Variants in CSGALNACT1 observed in about 807,000 individuals in gnomAD.
CSGALNACT1 encodes chondroitin sulfate N-acetylgalactosaminyltransferase 1, also known as beta4GalNAcT-1.
Under a neutral mutation model 51.0 loss-of-function variants are expected in CSGALNACT1, and 52 were observed. The ratio of observed to expected loss-of-function variants is 1.02; its 90% confidence interval spans 0.82 to 1.29. The LOEUF (loss-of-function observed/expected upper bound fraction) is 1.29. Ranked by LOEUF, CSGALNACT1 falls within the 50% of genes most tolerant of loss-of-function variation. CSGALNACT1 has a pLI of 0.00. For synonymous variants in CSGALNACT1, 341 were observed against 254.4 expected, an observed-to-expected ratio of 1.34 and a Z score of -3.24; for missense variants, 935 against 679.2, an observed-to-expected ratio of 1.38 and a Z score of -4.19.
chr8:19,673,256 G>A (rs1199979491), intron 1 of CSGALNACT1, among the ~76,000 whole-genome samples: 1 of 152,228 alleles, frequency 6.6e-6, no homozygotes, highest in Admixed American at 6.5e-5. Flanking sequence ...CCAGGTTTGA[G>A]TATTGGTGCT....
chr8:19,588,856 C>T (rs2047212388), intron 3 of CSGALNACT1, among the ~76,000 whole-genome samples: 1 of 152,160 alleles, frequency 6.6e-6, no homozygotes, highest in African/African-American at 2.4e-5. Context: ...TTTTACGTCT[C>T]TGAGTCTCAG....
chr8:19,444,800 G>T (rs867280349), intron 5 of CSGALNACT1, among the ~76,000 whole-genome samples: 24 of 152,246 alleles, frequency 1.6e-4, no homozygotes, highest in African/African-American at 5.3e-4. Flanking sequence ...GACATCTCAT[G>T]GCACTGATAT....
chr8:19,479,680 C>A (rs2070793163), intron 4 of CSGALNACT1, among the ~76,000 whole-genome samples: 1 of 151,444 alleles, frequency 6.6e-6, no homozygotes, highest in Non-Finnish European at 1.5e-5. Flanking sequence ...AAAGCCCCGA[C>A]TGTTAGGATT....
chr8:19,502,938 G>T (rs1312494221), intron 4 of CSGALNACT1, among the ~76,000 whole-genome samples: 1 of 145,730 alleles, frequency 6.9e-6, no homozygotes, highest in Admixed American at 7.2e-5. Context: ...TAGAATTCTT[G>T]TAGTGCCAGG....
intron 3 of CSGALNACT1, among the ~76,000 whole-genome samples, chr8:19,553,799 A>C (rs898528351): frequency 1.7e-4 from 26 of 151,574 alleles, no homozygotes; most frequent in Admixed American, 1.6e-3. Flanking sequence ...GAGGTTTCTG[A>C]AATGTAATTA....
At chr8:19,600,827 T>TG (rs1317803764) in intron 2 of CSGALNACT1, among the ~76,000 whole-genome samples, 1 of 146,802 alleles carries the variant, frequency 6.8e-6, no homozygotes, top group Non-Finnish European at 1.5e-5. Context: ...CAAAAGTTTT[T>TG]GGAAAAAAAA....
rs1352633591 is a variant in CSGALNACT1, at chr8:19,642,097, G to C, written c.-543-40232C>G. On this transcript the variant is annotated intron_variant, in intron 1 of 9. Transcript: ENST00000332246. Reference sequence around the variant, plus strand: ...TGAAAGGAAAATGGCTTGTTAAATAGGCACTAAAACAGAGTTCCATTCTGC... The same window carrying C: ...TGAAAGGAAAATGGCTTGTTAAATACGCACTAAAACAGAGTTCCATTCTGC... 2.0e-5 allele frequency: 3 copies of C among 152,164 alleles called. No homozygotes were observed. The East Asian group carries it at 5.8e-4, about 29-fold the overall frequency. The allele number at this position is 152,164 out of a possible 1,614,324, so 9.4% of individuals were successfully genotyped here. A position where few individuals can be genotyped will look rare whatever the true frequency, so the allele number is the denominator to read the frequency against.
intron 3 of CSGALNACT1, among the ~76,000 whole-genome samples, chr8:19,562,118 C>G (rs1448939226): frequency 6.6e-6 from 1 of 152,174 alleles, no homozygotes; most frequent in South Asian, 2.1e-4. Flanking sequence ...CTGAGCACCA[C>G]CATCCTGCCA....
chr8:19,681,296 GAT>G (rs1034486611), intron 1 of CSGALNACT1, among the ~76,000 whole-genome samples: 2 of 152,156 alleles, frequency 1.3e-5, no homozygotes, highest in African/African-American at 4.8e-5. Flanking sequence ...GCAGGAATTG[GAT>G]ATGTGTAAGA....
intron 3 of CSGALNACT1, among the ~76,000 whole-genome samples, chr8:19,524,924 G>C (rs1376571737): frequency 6.6e-6 from 1 of 151,940 alleles, no homozygotes; most frequent in East Asian, 1.9e-4. Context: ...GAGAGACACA[G>C]AGAGAGAGAG....
At chr8:19,588,872 T>C (rs2047215365) in intron 3 of CSGALNACT1, among the ~76,000 whole-genome samples, 1 of 152,162 alleles carries the variant, frequency 6.6e-6, no homozygotes, top group Non-Finnish European at 1.5e-5. Context: ...CTCAGTTTGC[T>C]CATCTGTTCA....
At chr8:19,652,582 T>C (rs902751177) in intron 1 of CSGALNACT1, among the ~76,000 whole-genome samples, 1 of 152,178 alleles carries the variant, frequency 6.6e-6, no homozygotes, top group South Asian at 2.1e-4. Context: ...CCTCTTTCCA[T>C]CAGCATACAG....
intron 1 of CSGALNACT1, among the ~76,000 whole-genome samples, chr8:19,616,162 A>G (rs145329319): frequency 8.1e-4 from 123 of 152,362 alleles, no homozygotes; most frequent in African/African-American, 2.7e-3. Flanking sequence ...GTAGGACCTC[A>G]ATTTATCTTA....
intron 4 of CSGALNACT1, among the ~76,000 whole-genome samples, chr8:19,503,648 C>T (rs2076797381): frequency 6.6e-6 from 1 of 151,956 alleles, no homozygotes; most frequent in Non-Finnish European, 1.5e-5. Flanking sequence ...GCTTTATAAA[C>T]TGTAAAGTAC....
chr8:19,504,847 T>C (rs1336958446), intron 4 of CSGALNACT1, among the ~76,000 whole-genome samples: 1 of 152,240 alleles, frequency 6.6e-6, no homozygotes, highest in African/African-American at 2.4e-5. Context: ...ATTATTCTGT[T>C]CATGAGCTTG....
intron 3 of CSGALNACT1, among the ~76,000 whole-genome samples, chr8:19,518,389 G>A (rs994537493): frequency 6.6e-6 from 1 of 152,132 alleles, no homozygotes; most frequent in African/African-American, 2.4e-5. Context: ...AACCTGTACT[G>A]TAAGGACCAG....
intron 1 of CSGALNACT1, among the ~76,000 whole-genome samples, chr8:19,700,314 G>A (rs1480563284): frequency 6.6e-6 from 1 of 151,928 alleles, no homozygotes; most frequent in African/African-American, 2.4e-5. Flanking sequence ...TTTCAACTTC[G>A]ACTGTGACTT....
chr8:19,496,782 T>C (rs1264575767), intron 4 of CSGALNACT1, among the ~76,000 whole-genome samples: 1 of 152,112 alleles, frequency 6.6e-6, no homozygotes, highest in Non-Finnish European at 1.5e-5. Context: ...TAAGCAAGGC[T>C]CAGTGCAGAT....
intron 1 of CSGALNACT1, among the ~76,000 whole-genome samples, chr8:19,633,327 C>A (rs9325861): frequency 0.075 from 11,441 of 152,078 alleles, 775 homozygotes; most frequent in African/African-American, 0.16. Context: ...TGCTTGACAA[C>A]CATACTACTC....
Sources: gnomAD v4.1 joint callset for allele counts (sites outside exome capture counted in the v4.1 genomes callset) on GRCh38, gnomAD v4.1.1 for gene constraint, MANE v1.5 for transcripts, NCBI Gene and HGNC (gene_info 2026-07-23, HGNC 2026-07-21) for gene names.